Variants in PRMT5 observed in about 807,000 individuals in gnomAD.
PRMT5 encodes protein arginine N-methyltransferase 5.
Under a neutral mutation model 84.0 loss-of-function variants are expected in PRMT5, and 15 were observed. That is an observed-to-expected ratio of 0.18 (90% confidence interval 0.12 to 0.28). The LOEUF is 0.28. Ranked by LOEUF, PRMT5 falls within the 10% of genes least tolerant of loss-of-function variation. The pLI, the probability that PRMT5 is intolerant of heterozygous loss-of-function variation, is 1.00. For synonymous variants in PRMT5, 276 were observed against 292.4 expected (o/e 0.94, Z 0.57); for missense variants, 486 against 808.0 (o/e 0.60, Z 4.83).
At chr14:22,927,796 C>T (rs1032697380) in intron 3 of PRMT5, 136 bp from the exon 4 acceptor site, 36 of 1,099,606 alleles carry the variant, frequency 3.3e-5, no homozygotes, top group Admixed American at 2.6e-4. Flanking sequence ...CAGCCTTGAC[C>T]TTCCCAAGCT....
chr14:22,927,616 T>C lies in PRMT5; in HGVS notation c.360A>G (p.Pro120=), dbSNP rs1178323495. Residue 120 remains proline (P), a synonymous_variant, in exon 4 of 17, where the codon CCA becomes CCG. Coordinates refer to ENST00000324366, the MANE Select transcript of PRMT5 (RefSeq NM_006109.5). ...CCTGATTAAGGGGCAGCAGGAAAGCTGGAAGACCCAAATATGCACCAAAAT... is the reference window on the plus strand; with the variant it reads ...CCTGATTAAGGGGCAGCAGGAAAGCCGGAAGACCCAAATATGCACCAAAAT... ...ELNFGAYLGL[P]AFLLPLNQED... The C allele has an allele frequency of 1.2e-6, 2 of 1,613,742 alleles. No individual in the cohort carries two copies. Among genetic ancestry groups the C allele is most frequent in the Non-Finnish European group, 8.5e-7 (1 of 1,179,976 alleles).
Position 22,922,808 on chromosome 14 carries a change from G to A in PRMT5, c.1513C>T (p.Arg505Trp), listed in dbSNP as rs768628700. Residue 505 changes from arginine (R) to tryptophan (W), a missense_variant, in exon 14 of 17, where the codon CGG (arginine) becomes TGG (tryptophan). Physicochemically the swap from Arg to Trp is moderately radical, Grantham distance 101. Transcript: ENST00000324366. ...EAQFEMPYVV[R>W]LHNFHQLSAP... Reference sequence around the variant, plus strand: ...GAGAGCTGGTGGAAGTTGTGCAGCCGTACCACATAAGGCATCTCAAACTGG... The same window carrying A: ...GAGAGCTGGTGGAAGTTGTGCAGCCATACCACATAAGGCATCTCAAACTGG... 4.3e-6 allele frequency: 7 copies of A among 1,613,786 alleles called. No individual in the cohort carries two copies. The highest frequency in any genetic ancestry group is 1.7e-4 in the Middle Eastern group (1 of 5,978).
At chr14:22,927,863 C>A (rs2044460767) in intron 3 of PRMT5, among the ~76,000 whole-genome samples, 1 of 151,894 alleles carries the variant, frequency 6.6e-6, no homozygotes, top group African/African-American at 2.4e-5. Context: ...CATGCACCAC[C>A]ATGCCTGGCT....
chr14:22,927,465 A>T, intron 4 of PRMT5, 61 bp downstream of exon 4: 1 of 1,597,968 alleles, frequency 6.3e-7, no homozygotes, highest in Non-Finnish European at 8.6e-7. Context: ...AGGCACAAGA[A>T]GGTACTTAGC....
In PRMT5 at chr14:22,924,478, C is replaced by T; in HGVS notation, c.1076+1G>A. 1 of 1,614,024 alleles carries T rather than the reference C, an allele frequency of 6.2e-7. No individual in the cohort carries two copies. The highest frequency in any genetic ancestry group is 2.2e-5 in the East Asian group (1 of 44,886). ...CCTGAGATTGAGGGGAAAGCACTCA[C>T]TGGACATTGGTATCCTTCTCCTCTT... On this transcript the variant is annotated splice_donor_variant, in intron 10 of 16. Coordinates refer to ENST00000324366, the MANE Select transcript of PRMT5 (RefSeq NM_006109.5). LOFTEE classifies it high-confidence loss of function. This position sits in a 1 kb window ranked among gnomAD's most constrained non-coding sequence, Gnocchi z 6.5.
intron 1 of PRMT5, 179 bp downstream of exon 1, chr14:22,929,073 C>T: frequency 6.6e-7 from 1 of 1,511,782 alleles, no homozygotes. Context: ...CACAGGCCTC[C>T]CACAAGTTAT....
Position 22,920,856 on chromosome 14 carries a change from G to A in PRMT5, c.*48C>T. On this transcript the variant is annotated 3_prime_UTR_variant, in exon 17 of 17. Coordinates refer to ENST00000324366, the MANE Select transcript of PRMT5 (RefSeq NM_006109.5). Reference sequence around the variant, plus strand: ...GTACTGCACCTTCTGTACTACAGGAGCAGAACCTGAAGCTGCTTCCAAGGC... The same window carrying A: ...GTACTGCACCTTCTGTACTACAGGAACAGAACCTGAAGCTGCTTCCAAGGC... 6.2e-6 allele frequency: 10 copies of A among 1,611,094 alleles called. No individual in the cohort carries two copies. The highest frequency in any genetic ancestry group is 8.5e-6 in the Non-Finnish European group (10 of 1,177,534).
chr14:22,922,376 C>G, intron 15 of PRMT5, 67 bp downstream of exon 15: 2 of 1,436,748 alleles, frequency 1.4e-6, no homozygotes, highest in Non-Finnish European at 2.0e-6. Flanking sequence ...CTAAATGACA[C>G]ATGTACATAT....
At chr14:22,925,152 T>C in intron 7 of PRMT5, 112 bp from the exon 8 acceptor site, 5 of 690,294 alleles carry the variant, frequency 7.2e-6, no homozygotes, top group South Asian at 2.6e-5. Flanking sequence ...AACAGTTCTC[T>C]TTTTTTTTTT....
At chr14:22,925,523 A>C (rs2044400045) in intron 7 of PRMT5, among the ~76,000 whole-genome samples, 1 of 152,120 alleles carries the variant, frequency 6.6e-6, no homozygotes, top group African/African-American at 2.4e-5. Context: ...CAGTAAACTT[A>C]TAAAAAGCCC....
rs2044378542 is a variant in PRMT5, at chr14:22,924,695, A to G, written c.954T>C (p.Asn318=). ...LQSPLQPLMD[N]LESQTYEVFE... is the part of the protein sequence containing the mutation. ...ACACTTCATATGTCTGAGATTCCAG[A>G]TTGTCCATCAGTGGCTGATGAATGA... is the stretch of plus-strand genomic sequence containing the variant. The change falls in exon 9 of 17, where the codon AAT becomes AAC. Residue 318 remains asparagine, a synonymous_variant. Transcript: ENST00000324366. This position sits in a 1 kb window ranked among gnomAD's most constrained non-coding sequence, Gnocchi z 6.5. The G allele has an allele frequency of 6.2e-7, 1 of 1,613,912 alleles. No individual in the cohort carries two copies. The highest frequency in any genetic ancestry group is 8.5e-7 in the Non-Finnish European group (1 of 1,179,940).
chr14:22,927,170 C>T (rs541915989), intron 4 of PRMT5, among the ~76,000 whole-genome samples: 2 of 151,578 alleles, frequency 1.3e-5, no homozygotes, highest in South Asian at 4.2e-4. Context: ...ACTGCAACCT[C>T]CGCCTCACAG....
chr14:22,929,130 T>C (rs747254239), intron 1 of PRMT5, 122 bp downstream of exon 1: 10 of 1,612,046 alleles, frequency 6.2e-6, no homozygotes, highest in Non-Finnish European at 7.6e-6. Context: ...CAAAGAGTAA[T>C]AGTCTCTCCC....
rs2044249322 is a variant in PRMT5, at chr14:22,920,641, G to C, written c.*263C>G. On this transcript the variant is annotated 3_prime_UTR_variant, in exon 17 of 17. Coordinates refer to ENST00000324366, the MANE Select transcript of PRMT5 (RefSeq NM_006109.5). ...ACCCCATGTTCTCAGGGATATTCCA[G>C]GGAGTTCTTGAGGCTGAGTGCGTAG... 1 of 678,590 alleles carries C rather than the reference G, an allele frequency of 1.5e-6. No homozygotes were observed. Among genetic ancestry groups the C allele is most frequent in the East Asian group, 3.0e-5 (1 of 33,380 alleles). 42.0% of individuals were successfully genotyped at this position (678,590 alleles called of 1,614,324 possible).
At chr14:22,922,068 C>G (rs559830593) in intron 16 of PRMT5, 108 bp downstream of exon 16, 2 of 1,007,528 alleles carry the variant, frequency 2.0e-6, no homozygotes, top group Non-Finnish European at 3.1e-6. Context: ...CATATGAAAT[C>G]AGGAGAACAT....
chr14:22,920,979 A>G lies in PRMT5; in HGVS notation c.1839T>C (p.Tyr613=). ...AGACTGGTGCTGTCACAGCCCACTCATACCACACCTTCTTGGAATTGCTGC... is the reference window on the plus strand; with the variant it reads ...AGACTGGTGCTGTCACAGCCCACTCGTACCACACCTTCTTGGAATTGCTGC... ...WRCSNSKKVW[Y]EWAVTAPVCS... is the part of the protein sequence containing the mutation. Residue 613 remains tyrosine (Y), a synonymous_variant, in exon 17 of 17, where the codon TAT becomes TAC. Transcript: ENST00000324366. 1 of 1,614,204 alleles carries G rather than the reference A, an allele frequency of 6.2e-7. No individual in the cohort carries two copies. The highest frequency in any genetic ancestry group is 1.1e-5 in the South Asian group (1 of 91,090).
chr14:22,920,603 A>G lies in PRMT5; in HGVS notation c.*301T>C, dbSNP rs775786181. On this transcript the variant is annotated 3_prime_UTR_variant, in exon 17 of 17. Coordinates refer to ENST00000324366, the MANE Select transcript of PRMT5 (RefSeq NM_006109.5). ...TCAAAACAAGAACAGAAAAAGGCTG[A>G]AAATCCGTTCAAACCCCATGTTCTC... 1 of 597,662 alleles carries G rather than the reference A, an allele frequency of 1.7e-6. No homozygotes were observed. Among genetic ancestry groups the G allele is most frequent in the Non-Finnish European group, 3.2e-6 (1 of 310,230 alleles). The allele number at this position is 597,662 out of a possible 1,614,324, so 37.0% of individuals were successfully genotyped here. A position where few individuals can be genotyped will look rare whatever the true frequency, so the allele number is the denominator to read the frequency against.
At chr14:22,925,549 G>A (rs1482388793) in intron 7 of PRMT5, among the ~76,000 whole-genome samples, 1 of 152,096 alleles carries the variant, frequency 6.6e-6, no homozygotes, top group Non-Finnish European at 1.5e-5. Context: ...GCCGGGCGTG[G>A]TGGCCCACGC....
chr14:22,922,885 A>G (rs1275726244), intron 13 of PRMT5, 50 bp from the exon 14 acceptor site: 1 of 1,560,258 alleles, frequency 6.4e-7, no homozygotes. Flanking sequence ...CACACAAGAG[A>G]GAACTACTTC....
Sources: gnomAD v4.1 joint callset for allele counts (sites outside exome capture counted in the v4.1 genomes callset) on GRCh38, gnomAD v4.1.1 for gene constraint, Gnocchi (gnomAD v3.1) non-coding constraint, MANE v1.5 for transcripts, NCBI Gene and HGNC (gene_info 2026-07-23, HGNC 2026-07-21) for gene names.